MYL6B: variants seen among roughly 807,000 people sequenced by gnomAD.
MYL6B encodes myosin alkali light chain 1 slow a.
Under a neutral mutation model 24.5 loss-of-function variants are expected in MYL6B, and 19 were observed. The observed-to-expected ratio is 0.78, with a 90% CI of 0.54 to 1.14. MYL6B has a LOEUF of 1.14. Among genes scored for constraint, MYL6B ranks in the 50% most tolerant of loss-of-function variants. MYL6B has a pLI of 0.00. For missense variants in MYL6B, 230 were observed against 263.8 expected (o/e 0.87, Z 0.89); for synonymous variants, 90 against 100.7 (o/e 0.89, Z 0.64).
At position 56,157,563 on chromosome 12, in the gene MYL6B, C is replaced by T. The variant is rs762717085; in HGVS notation, c.598+18C>T. 3.6e-5 allele frequency: 48 copies of T among 1,352,060 alleles called. No homozygotes were observed. The highest frequency in any genetic ancestry group is 4.4e-5 in the Non-Finnish European group (42 of 957,048). 83.8% of individuals were successfully genotyped at this position (1,352,060 alleles called of 1,614,324 possible). On this transcript the variant is annotated intron_variant, in intron 6 of 6. Coordinates refer to ENST00000553066, the Ensembl canonical transcript of MYL6B. ...CTACGAGGGTGAGGGGACAAAAAAG[C>T]GGGAGCGGGGCCGAGGGAGGAGGGC...
chr12:56,154,135 T>C, intron 2 of MYL6B, 43 bp downstream of exon 2: 1 of 1,583,948 alleles, frequency 6.3e-7, no homozygotes, highest in Non-Finnish European at 8.6e-7. Context: ...GGGGGTGGTT[T>C]GAGGGTGGGA....
At chr12:56,154,832 A>T (rs142239260) in exon 3 of MYL6B, 25 of 1,612,906 alleles carry the variant, frequency 1.6e-5, no homozygotes, top group Non-Finnish European at 2.0e-5. Context: ...AACAAGGACC[A>T]GCTGGAGGGT....
exon 7 of MYL6B, chr12:56,157,974 C>T (rs1281501863): frequency 8.5e-6 from 5 of 589,730 alleles, no homozygotes; most frequent in Non-Finnish European, 1.5e-5. Context: ...GACTGGGTTC[C>T]TCTCTTGGTT....
chr12:56,154,718 CCCT>C (rs1406289034), intron 2 of MYL6B, 92 bp from the exon 3 acceptor site: 1 of 1,423,106 alleles, frequency 7.0e-7, no homozygotes, highest in Non-Finnish European at 9.6e-7. Context: ...CCCTTTGGGC[CCCT>C]CCTCAGAAGT....
exon 6 of MYL6B, chr12:56,157,499 C>T (rs1335744041): frequency 6.2e-7 from 1 of 1,614,006 alleles, no homozygotes; most frequent in Admixed American, 1.7e-5. Context: ...AGGTGGAGAC[C>T]GTTCTGGCAG....
chr12:56,156,307 CAA>C (rs35978029), intron 5 of MYL6B: 24 of 73,118 alleles, frequency 3.3e-4, no homozygotes, highest in Admixed American at 3.0e-4. Context: ...GGTTCTGTCT[CAA>C]AAAAAAAAAA....
intron 6 of MYL6B, 62 bp downstream of exon 6, chr12:56,157,607 G>C: frequency 6.2e-7 from 1 of 1,613,078 alleles, no homozygotes; most frequent in Non-Finnish European, 8.5e-7. Context: ...GTCTTGCCGC[G>C]TGTGGGCGGG....
At chr12:56,154,175 A>T (rs1592255968) in intron 2 of MYL6B, 83 bp downstream of exon 2, 1 of 1,370,402 alleles carries the variant, frequency 7.3e-7, no homozygotes, top group Non-Finnish European at 9.9e-7. Context: ...GGGTATCTAG[A>T]AGGTAGGGAA....
At chr12:56,154,710 C>T in intron 2 of MYL6B, 103 bp from the exon 3 acceptor site, 2 of 1,377,398 alleles carry the variant, frequency 1.5e-6, no homozygotes, top group South Asian at 1.4e-5. Flanking sequence ...AGCCTGGTCC[C>T]TTTGGGCCCC....
At chr12:56,157,717 A>C (rs992625751) in exon 7 of MYL6B, 5 of 1,612,282 alleles carry the variant, frequency 3.1e-6, no homozygotes, top group Non-Finnish European at 4.2e-6. Flanking sequence ...AACACATCCT[A>C]AGCGTCTGAG....
exon 7 of MYL6B, chr12:56,157,836 T>G: frequency 7.4e-7 from 1 of 1,359,212 alleles, no homozygotes; most frequent in African/African-American, 1.4e-5. Flanking sequence ...GCTGTCCGGT[T>G]GCTGCACGGG....
chr12:56,152,939 C>T (rs78182748), intron 1 of MYL6B, among the ~76,000 whole-genome samples: 5,665 of 152,108 alleles, frequency 0.037, 155 homozygotes, highest in Non-Finnish European at 0.06. Flanking sequence ...CTCCCAGCGC[C>T]CCTGGCAAGG....
Position 56,154,854 on chromosome 12 carries a change from C to T in MYL6B, c.202+14C>T, listed in dbSNP as rs1871246119. ...ACCAGCTGGAGGGTGAGGAGAAGCT[C>T]ATCTAAGGCCACTGTCCCATCCCCA... is the stretch of plus-strand genomic sequence containing the variant. On this transcript the variant is annotated intron_variant, in intron 3 of 6. Transcript: ENST00000553066. 1 of 1,611,252 alleles carries T rather than the reference C, an allele frequency of 6.2e-7. No individual in the cohort carries two copies. Among genetic ancestry groups the T allele is most frequent in the Admixed American group, 1.7e-5 (1 of 59,572 alleles).
chr12:56,154,825 A>G (rs2136904025), exon 3 of MYL6B: 1 of 1,613,090 alleles, frequency 6.2e-7, no homozygotes, highest in Non-Finnish European at 8.5e-7. Flanking sequence ...CGAGTTTAAC[A>G]AGGACCAGCT....
At chr12:56,155,677 C>G in intron 5 of MYL6B, 85 bp downstream of exon 5, 1 of 1,600,366 alleles carries the variant, frequency 6.2e-7, no homozygotes. Flanking sequence ...ATAAGCAGAG[C>G]TAGCAGGAGG....
At chr12:56,154,757 C>T (rs1871241679) in intron 2 of MYL6B, 56 bp from the exon 3 acceptor site, 16 of 1,577,060 alleles carry the variant, frequency 1.0e-5, no homozygotes, top group South Asian at 3.6e-5. Flanking sequence ...GGGAGGAGTG[C>T]GGGAGAGGGA....
chr12:56,156,897 T>A (rs1159093533), intron 5 of MYL6B: 2 of 150,622 alleles, frequency 1.3e-5, no homozygotes, highest in African/African-American at 4.9e-5. Flanking sequence ...CAAAAAAATT[T>A]AAAAATTAGC....
chr12:56,155,095 T>C (rs113561180), exon 4 of MYL6B: 25 of 1,613,778 alleles, frequency 1.5e-5, no homozygotes, highest in Non-Finnish European at 2.0e-5. Flanking sequence ...GAGTGGGGGA[T>C]GGCAAGATCC....
At chr12:56,157,246 A>G in intron 5 of MYL6B, 1 of 498,794 alleles carries the variant, frequency 2.0e-6, no homozygotes, top group South Asian at 2.3e-5. Flanking sequence ...AATACAAAAA[A>G]TTAGCCGGGC....
Sources: allele counts gnomAD v4.1 joint callset (sites outside exome capture counted in the v4.1 genomes callset), GRCh38; gene constraint gnomAD v4.1.1; transcripts MANE v1.5; gene names NCBI Gene and HGNC (gene_info 2026-07-23, HGNC 2026-07-21).